CNTNAP4: variants seen among roughly 807,000 people sequenced by gnomAD.
CNTNAP4 encodes the protein contactin associated protein family member 4, also known as contactin-associated protein-like 4.
In CNTNAP4, 98 loss-of-function variants were observed where a neutral mutation model predicts 148.4. The ratio of observed to expected loss-of-function variants is 0.66; its 90% confidence interval spans 0.56 to 0.78. The LOEUF is 0.78. Among genes scored for constraint, CNTNAP4 ranks in the 30% least tolerant of loss-of-function variants. CNTNAP4 has a pLI of 0.00. For synonymous variants in CNTNAP4, 730 were observed against 565.1 expected (o/e 1.29, Z -4.14); for missense variants, 1,935 against 1,565.6 (o/e 1.24, Z -3.98).
At chr16:76,421,041 A>G (rs1002439170) in intron 3 of CNTNAP4, among the ~76,000 whole-genome samples, 3 of 152,034 alleles carry the variant, frequency 2.0e-5, no homozygotes, top group East Asian at 1.9e-4. Context: ...TGTTTCAACA[A>G]TAGTTACAGA....
chr16:76,527,008 T>G lies in CNTNAP4; in HGVS notation c.2755+4751T>G, dbSNP rs905941658. Among the ~76,000 whole-genome samples the G allele has an allele frequency of 5.3e-5, 8 of 152,258 alleles. No homozygotes were observed. In the Middle Eastern group the frequency reaches 0.01, roughly 194 times the overall value. On this transcript the variant is annotated intron_variant, in intron 17 of 23. Transcript: ENST00000611870. ...TTTCACTTGGAGTTAGCTTTTCTTG[T>G]TTTCTCCCTTCATCTTAATTTATAG...
At chr16:76,446,270 T>C (rs1270655378) in intron 4 of CNTNAP4, among the ~76,000 whole-genome samples, 1 of 152,188 alleles carries the variant, frequency 6.6e-6, no homozygotes, top group African/African-American at 2.4e-5. Flanking sequence ...TAAACTGGAA[T>C]GTCATTTCGT....
intron 17 of CNTNAP4, among the ~76,000 whole-genome samples, chr16:76,532,730 G>A (rs1385474532): frequency 6.6e-6 from 1 of 152,132 alleles, no homozygotes; most frequent in Admixed American, 6.6e-5. Flanking sequence ...GATGTGAGCT[G>A]GACCTTACCC....
At chr16:76,421,907 G>A (rs529927386) in intron 3 of CNTNAP4, among the ~76,000 whole-genome samples, 56 of 150,058 alleles carry the variant, frequency 3.7e-4, no homozygotes, top group African/African-American at 7.6e-5. Flanking sequence ...TATGTGTAAC[G>A]GGTCCCATGT....
chr16:76,286,128 T>A (rs1055121664), intron 1 of CNTNAP4, among the ~76,000 whole-genome samples: 3 of 131,904 alleles, frequency 2.3e-5, no homozygotes, highest in Non-Finnish European at 4.4e-5. Flanking sequence ...AGGAACTAGA[T>A]TGAAAGTGGT....
At chr16:76,431,471 G>C (rs1240348788) in intron 4 of CNTNAP4, among the ~76,000 whole-genome samples, 1 of 152,136 alleles carries the variant, frequency 6.6e-6, no homozygotes, top group African/African-American at 2.4e-5. Flanking sequence ...CTGAGGTCAG[G>C]AGTTCGAGAC....
At chr16:76,516,346 T>C (rs1568470972) in intron 15 of CNTNAP4, among the ~76,000 whole-genome samples, 2 of 152,230 alleles carry the variant, frequency 1.3e-5, no homozygotes, top group Non-Finnish European at 2.9e-5. Context: ...CTATCATTGA[T>C]GGGCATTTGG....
chr16:76,515,856 C>T (rs1340940177), intron 15 of CNTNAP4, among the ~76,000 whole-genome samples: 1 of 151,948 alleles, frequency 6.6e-6, no homozygotes, highest in African/African-American at 2.4e-5. Flanking sequence ...GAAATTGGAT[C>T]ACTCATACAC....
At chr16:76,383,925 A>G (rs932044354) in intron 3 of CNTNAP4, among the ~76,000 whole-genome samples, 6 of 152,224 alleles carry the variant, frequency 3.9e-5, no homozygotes, top group African/African-American at 1.4e-4. Flanking sequence ...ATGTTTGAAA[A>G]TGTCCATAAT....
intron 13 of CNTNAP4, among the ~76,000 whole-genome samples, chr16:76,491,754 C>A (rs182969373): frequency 6.6e-4 from 101 of 152,280 alleles, no homozygotes; most frequent in Non-Finnish European, 6.3e-4. Flanking sequence ...ATATGTCTTT[C>A]AGTGTTCGGC....
chr16:76,469,659 C>T (rs920786211), intron 10 of CNTNAP4: 13 of 152,226 alleles, frequency 8.5e-5, no homozygotes, highest in Non-Finnish European at 1.9e-4. Context: ...AAGGTACATA[C>T]TTTCTGTAAA....
intron 13 of CNTNAP4, among the ~76,000 whole-genome samples, chr16:76,493,361 C>T (rs981770749): frequency 2.0e-5 from 3 of 152,104 alleles, no homozygotes; most frequent in Non-Finnish European, 4.4e-5. Context: ...TGGGAATGCT[C>T]AAGTCATTTA....
chr16:76,335,951 G>T (rs1257002013), intron 2 of CNTNAP4, among the ~76,000 whole-genome samples: 1 of 152,112 alleles, frequency 6.6e-6, no homozygotes, highest in Non-Finnish European at 1.5e-5. Flanking sequence ...TCATAGGATT[G>T]TTCACTGTCC....
chr16:76,418,833 T>C (rs1057387237), intron 3 of CNTNAP4, among the ~76,000 whole-genome samples: 1 of 151,938 alleles, frequency 6.6e-6, no homozygotes, highest in Non-Finnish European at 1.5e-5. Context: ...GTTGTTAGTA[T>C]GAAGATTTAC....
At chr16:76,440,404 A>G (rs2079987925) in intron 4 of CNTNAP4, among the ~76,000 whole-genome samples, 1 of 152,140 alleles carries the variant, frequency 6.6e-6, no homozygotes, top group Non-Finnish European at 1.5e-5. Context: ...CATGATTCAT[A>G]GTTTCACTCA....
chr16:76,367,185 C>G (rs990057269), intron 3 of CNTNAP4, among the ~76,000 whole-genome samples: 5 of 151,798 alleles, frequency 3.3e-5, no homozygotes, highest in Non-Finnish European at 1.5e-5. Context: ...AAGCTTAATA[C>G]ATATTTAAGG....
intron 3 of CNTNAP4, among the ~76,000 whole-genome samples, chr16:76,384,550 T>C (rs751642122): frequency 6.6e-6 from 1 of 152,224 alleles, no homozygotes; most frequent in South Asian, 2.1e-4. Flanking sequence ...ACTGACTTGC[T>C]TTTCATTCTC....
At chr16:76,521,106 G>A (rs755652802) in intron 15 of CNTNAP4, 34 bp from the exon 16 acceptor site, 1 of 1,479,228 alleles carries the variant, frequency 6.8e-7, no homozygotes, top group South Asian at 1.3e-5. Flanking sequence ...TTTTCTTTCT[G>A]AATTTTTTTT....
intron 1 of CNTNAP4, among the ~76,000 whole-genome samples, chr16:76,291,960 AT>A (rs1468196564): frequency 1.3e-5 from 2 of 151,990 alleles, no homozygotes; most frequent in Non-Finnish European, 2.9e-5. Flanking sequence ...TAGCCTTTGG[AT>A]TTATCTTTTC....
Sources: allele counts gnomAD v4.1 joint callset (sites outside exome capture counted in the v4.1 genomes callset), GRCh38; gene constraint gnomAD v4.1.1; transcripts MANE v1.5; gene names NCBI Gene and HGNC (gene_info 2026-07-23, HGNC 2026-07-21).